The following ASIC2 variants were observed in gnomAD, a reference collection of about 807,000 sequenced individuals.
ASIC2 encodes the protein acid sensing ion channel subunit 2, also known as acid-sensing ion channel 2.
A neutral mutation model predicts 57.3 loss-of-function variants in ASIC2; 25 were observed. That is an observed-to-expected ratio of 0.44 (90% CI 0.32 to 0.61). The LOEUF (loss-of-function observed/expected upper bound fraction) is 0.61, where lower values mean the gene tolerates loss of function less well. Among genes scored for constraint, ASIC2 ranks in the 20% least tolerant of loss-of-function variants. The pLI, the probability that ASIC2 is intolerant of heterozygous loss-of-function variation, is 0.06. For missense variants in ASIC2, 641 were observed against 738.1 expected (o/e 0.87, Z 1.52); for synonymous variants, 319 against 307.5 (o/e 1.04, Z -0.39).
chr17:33,578,252 A>G (rs1369456564), intron 1 of ASIC2, among the ~76,000 whole-genome samples: 1 of 152,098 alleles, frequency 6.6e-6, no homozygotes, highest in Admixed American at 6.5e-5. Context: ...GTGTTCCCCT[A>G]TCTACTGGTC....
chr17:33,318,947 A>G (rs1293357789), intron 1 of ASIC2, among the ~76,000 whole-genome samples: 2 of 152,190 alleles, frequency 1.3e-5, no homozygotes, highest in Non-Finnish European at 2.9e-5. Flanking sequence ...AGCCAGAAAG[A>G]TGGAGAAAGT....
chr17:33,811,406 A>C (rs888416446), intron 1 of ASIC2, among the ~76,000 whole-genome samples: 3 of 152,220 alleles, frequency 2.0e-5, no homozygotes, highest in African/African-American at 4.8e-5. Flanking sequence ...ATTCACGCTC[A>C]TATCCCTCCA....
chr17:33,779,397 T>C (rs1911381452), intron 1 of ASIC2, among the ~76,000 whole-genome samples: 1 of 152,192 alleles, frequency 6.6e-6, no homozygotes, highest in Admixed American at 6.5e-5. Flanking sequence ...GCATTAAGAA[T>C]GAATTTATCA....
chr17:33,232,969 C>G (rs1397075460), intron 1 of ASIC2, among the ~76,000 whole-genome samples: 1 of 152,024 alleles, frequency 6.6e-6, no homozygotes, highest in African/African-American at 2.4e-5. Context: ...GGGCAATGTC[C>G]CCTAGAGGGA....
At chr17:33,474,565 G>A (rs148428566) in intron 1 of ASIC2, among the ~76,000 whole-genome samples, 4 of 152,166 alleles carry the variant, frequency 2.6e-5, no homozygotes, top group Admixed American at 6.5e-5. Flanking sequence ...ACAGAGGGGC[G>A]TGCACAGCAG....
chr17:33,476,504 C>CATATATATAT lies in ASIC2; in HGVS notation c.556-364447_556-364438dup, dbSNP rs67811038. Among the ~76,000 whole-genome samples the CATATATATAT allele has an allele frequency of 2.1e-3, 260 of 122,712 alleles. 1 individual carries two copies. Among genetic ancestry groups the CATATATATAT allele is most frequent in the African/African-American group, 2.6e-3 (86 of 33,716 alleles). 80.5% of individuals were successfully genotyped at this position (122,712 alleles called of 152,430 possible). ...AAACCTTTTGCAAAGTGTGTGTGTG[C>CATATATATAT]ATATATATATATATATATATATATA... is the stretch of plus-strand genomic sequence containing the variant. On this transcript the variant is annotated intron_variant, in intron 1 of 9. Transcript: ENST00000359872.
intron 1 of ASIC2, among the ~76,000 whole-genome samples, chr17:33,802,926 T>C (rs1912171022): frequency 6.6e-6 from 1 of 152,256 alleles, no homozygotes; most frequent in African/African-American, 2.4e-5. Context: ...GCCACATTAA[T>C]AGCCTCGTGT....
chr17:33,929,049 A>C (rs1363485514), intron 1 of ASIC2, among the ~76,000 whole-genome samples: 1 of 152,058 alleles, frequency 6.6e-6, no homozygotes, highest in Non-Finnish European at 1.5e-5. Context: ...ACCAGATAGC[A>C]CTGCCTTAAC....
chr17:33,481,877 C>G (rs1251519191), intron 1 of ASIC2, among the ~76,000 whole-genome samples: 1 of 152,186 alleles, frequency 6.6e-6, no homozygotes, highest in South Asian at 2.1e-4. Flanking sequence ...CTTGGCTTCA[C>G]CCTCCCATGG....
intron 1 of ASIC2, among the ~76,000 whole-genome samples, chr17:33,729,635 T>C (rs1435834417): frequency 6.6e-6 from 1 of 152,194 alleles, no homozygotes; most frequent in Non-Finnish European, 1.5e-5. Context: ...CAATGTGATC[T>C]GGGCAAATTC....
At chr17:33,646,324 C>A (rs1276092455) in intron 1 of ASIC2, among the ~76,000 whole-genome samples, 1 of 152,128 alleles carries the variant, frequency 6.6e-6, no homozygotes, top group Non-Finnish European at 1.5e-5. Context: ...GAAAAGATTG[C>A]ATTGTACTGA....
intron 1 of ASIC2, among the ~76,000 whole-genome samples, chr17:33,976,059 G>A (rs185306655): frequency 4.0e-5 from 6 of 151,492 alleles, no homozygotes; most frequent in African/African-American, 1.2e-4. Flanking sequence ...TTGGATGGAC[G>A]CTCTTGGATC....
At chr17:33,028,457 T>C (rs1045173933) in intron 3 of ASIC2, 65 bp from the exon 4 acceptor site, 10 of 1,577,144 alleles carry the variant, frequency 6.3e-6, no homozygotes, top group Non-Finnish European at 8.7e-6. Context: ...TTCATTTACT[T>C]ACTCAATCAA....
At chr17:33,411,308 A>T (rs535695260) in intron 1 of ASIC2, among the ~76,000 whole-genome samples, 2 of 152,304 alleles carry the variant, frequency 1.3e-5, no homozygotes, top group Admixed American at 1.3e-4. Flanking sequence ...TCCTCCAGTG[A>T]TTAGAAAAAC....
At chr17:33,925,020 CAGA>C in intron 1 of ASIC2, among the ~76,000 whole-genome samples, 1 of 152,360 alleles carries the variant, frequency 6.6e-6, no homozygotes, top group East Asian at 1.9e-4. Flanking sequence ...CTCAGCTGAG[CAGA>C]AGAACTCAGG....
chr17:33,898,992 A>G (rs1915170867), intron 1 of ASIC2, among the ~76,000 whole-genome samples: 1 of 152,124 alleles, frequency 6.6e-6, no homozygotes, highest in African/African-American at 2.4e-5. Flanking sequence ...TGCCAAATTC[A>G]TATTAATTCC....
intron 1 of ASIC2, among the ~76,000 whole-genome samples, chr17:33,691,948 G>A (rs1263586949): frequency 6.6e-6 from 1 of 152,118 alleles, no homozygotes; most frequent in African/African-American, 2.4e-5. Flanking sequence ...GCACTAACAT[G>A]AACCCAGATG....
intron 5 of ASIC2, 23 bp downstream of exon 5, chr17:33,025,903 C>G (rs1488694945): frequency 6.3e-7 from 1 of 1,582,040 alleles, no homozygotes; most frequent in South Asian, 1.2e-5. Flanking sequence ...CCCCATGATT[C>G]CATCTGTCCC....
chr17:33,362,721 GTTT>G (rs1168049759), intron 1 of ASIC2, among the ~76,000 whole-genome samples: 1 of 152,084 alleles, frequency 6.6e-6, no homozygotes, highest in Non-Finnish European at 1.5e-5. Flanking sequence ...GGGACCTTGT[GTTT>G]TCACAAAATC....
Sources: gnomAD v4.1 joint callset for allele counts (sites outside exome capture counted in the v4.1 genomes callset) on GRCh38, gnomAD v4.1.1 for gene constraint, MANE v1.5 for transcripts, NCBI Gene and HGNC (gene_info 2026-07-23, HGNC 2026-07-21) for gene names.